The following CHURC1 variants were observed in gnomAD, a reference collection of about 807,000 sequenced individuals.
CHURC1 encodes churchill domain containing 1.
CHURC1 carries 12 observed loss-of-function variants against 15.4 expected under a neutral mutation model. The ratio of observed to expected loss-of-function variants is 0.78; its 90% CI spans 0.50 to 1.27. CHURC1 has a LOEUF of 1.27. Ranked by LOEUF, CHURC1 falls within the 50% of genes most tolerant of loss-of-function variation. CHURC1 has a pLI of 0.00. For missense variants in CHURC1, 132 were observed against 137.8 expected (o/e 0.96, Z 0.21); for synonymous variants, 42 against 47.5 (o/e 0.88, Z 0.48).
At position 64,935,133 on chromosome 14, in the gene CHURC1, A is replaced by G. The variant is rs533044387; in HGVS notation, c.*2903A>G. On this transcript the variant is annotated 3_prime_UTR_variant, in exon 4 of 4. Transcript: ENST00000549115. ...CTCACTCATAGATAGGAATTGAACA[A>G]TGAGAACACATGGAGACAGGAAGGG... The G allele has an allele frequency of 8.2e-5, 28 of 342,482 alleles. No individual in the cohort carries two copies. The South Asian group carries it at 2.9e-3, about 35-fold the overall frequency. 21.2% of individuals were successfully genotyped at this position (342,482 alleles called of 1,614,324 possible).
rs1256868588 is a variant in CHURC1 at position 64,930,022 on chromosome 14, TG to T, written c.247-2113del. On this transcript the variant is annotated intron_variant, in intron 3 of 3. Coordinates refer to ENST00000549115, the MANE Select transcript of CHURC1 (RefSeq NM_001386928.1). The stretch of plus-strand genomic sequence containing the variant: ...TATGAGACTGCTTTCTATTCCTCTG[TG>T]GGCCAGGGAAGGAGAAGACTTGGAG... Among the ~76,000 whole-genome samples the T allele has an allele frequency of 5.9e-5, 9 of 151,282 alleles. 1 individual carries two copies. The South Asian group carries it at 1.9e-3, about 32-fold the overall frequency.
rs975218357 is a variant in CHURC1, at chr14:64,934,378, A to C, written c.*2148A>C. On this transcript the variant is annotated 3_prime_UTR_variant, in exon 4 of 4. Transcript: ENST00000549115. Reference sequence around the variant, plus strand: ...CAAAAACAAAACAAAACAACAACAAAAAAAGAAGTTAAATAACTTGTTTAA... The same window carrying C: ...CAAAAACAAAACAAAACAACAACAACAAAAGAAGTTAAATAACTTGTTTAA... 6 of 955,476 alleles carry C rather than the reference A, an allele frequency of 6.3e-6. No homozygotes were observed. Among genetic ancestry groups the C allele is most frequent in the African/African-American group, 5.3e-5 (3 of 56,566 alleles). 59.2% of individuals were successfully genotyped at this position (955,476 alleles called of 1,614,324 possible).
intron 2 of CHURC1, among the ~76,000 whole-genome samples, chr14:64,924,672 A>G (rs992222490): frequency 2.0e-5 from 3 of 152,214 alleles, no homozygotes; most frequent in Admixed American, 6.5e-5. Flanking sequence ...CTGCTAAATA[A>G]TAAGCTGCCT....
In CHURC1 at chr14:64,934,826, A is replaced by G; in HGVS notation, c.*2596A>G. 1 of 985,262 alleles carries G rather than the reference A, an allele frequency of 1.0e-6. No homozygotes were observed. 61.0% of individuals were successfully genotyped at this position (985,262 alleles called of 1,614,324 possible). ...CCCTGCCAATGTCCTCATCTATTGCAGAATGTATAATTATCTATTTGTTTT... is the reference window on the plus strand; with the variant it reads ...CCCTGCCAATGTCCTCATCTATTGCGGAATGTATAATTATCTATTTGTTTT... On this transcript the variant is annotated 3_prime_UTR_variant, in exon 4 of 4. Transcript: ENST00000549115.
At chr14:64,920,040 C>T (rs951723284) in intron 1 of CHURC1, among the ~76,000 whole-genome samples, 1 of 151,722 alleles carries the variant, frequency 6.6e-6, no homozygotes, top group East Asian at 1.9e-4. Context: ...TAAGAAAAAC[C>T]GTATTTTCCA....
intron 1 of CHURC1, among the ~76,000 whole-genome samples, chr14:64,916,110 G>C (rs1240060221): frequency 6.6e-6 from 1 of 152,200 alleles, no homozygotes; most frequent in Non-Finnish European, 1.5e-5. Context: ...CTGAATTATA[G>C]CCGTGAAACC....
chr14:64,928,859 A>G (rs1011610321), intron 3 of CHURC1, among the ~76,000 whole-genome samples: 1 of 151,576 alleles, frequency 6.6e-6, no homozygotes, highest in Non-Finnish European at 1.5e-5. Context: ...TCGAAGTGAT[A>G]CTCCTCAGCT....
At chr14:64,932,004 C>A in intron 3 of CHURC1, 134 bp from the exon 4 acceptor site, 1 of 1,102,954 alleles carries the variant, frequency 9.1e-7, no homozygotes, top group African/African-American at 1.6e-5. Context: ...ATTGCTGATA[C>A]ATGTTGAAGA....
Position 64,934,505 on chromosome 14 carries a change from A to G in CHURC1, c.*2275A>G. 1.0e-6 allele frequency: 1 copy of G among 985,398 alleles called. No individual in the cohort carries two copies. Among genetic ancestry groups the G allele is most frequent in the Non-Finnish European group, 1.2e-6 (1 of 829,884 alleles). The allele number at this position is 985,398 out of a possible 1,614,324, so 61.0% of individuals were successfully genotyped here. ...TAGGAAGAGGTTAAGAATATCAGTGACAGTACTCTGAGGCATCTGGGCATG... is the reference window on the plus strand; with the variant it reads ...TAGGAAGAGGTTAAGAATATCAGTGGCAGTACTCTGAGGCATCTGGGCATG... On this transcript the variant is annotated 3_prime_UTR_variant, in exon 4 of 4. Transcript: ENST00000549115.
At chr14:64,919,195 C>T (rs1157395044) in intron 1 of CHURC1, among the ~76,000 whole-genome samples, 1 of 152,030 alleles carries the variant, frequency 6.6e-6, no homozygotes, top group Non-Finnish European at 1.5e-5. Flanking sequence ...ACTGAACAGG[C>T]ACAAAATTGT....
At chr14:64,924,879 G>A (rs1262069978) in intron 2 of CHURC1, among the ~76,000 whole-genome samples, 2 of 152,204 alleles carry the variant, frequency 1.3e-5, no homozygotes, top group African/African-American at 2.4e-5. Flanking sequence ...CTAAACACAT[G>A]AGGAATAAAT....
intron 1 of CHURC1, 66 bp from the exon 2 acceptor site, chr14:64,923,925 T>C: frequency 7.1e-7 from 1 of 1,414,334 alleles, no homozygotes; most frequent in Admixed American, 2.6e-5. Context: ...ATTTTAAGTC[T>C]GTTAATCATC....
At chr14:64,916,839 A>G (rs531885674) in intron 1 of CHURC1, among the ~76,000 whole-genome samples, 9 of 152,072 alleles carry the variant, frequency 5.9e-5, no homozygotes, top group Non-Finnish European at 1.3e-4. Flanking sequence ...CGGCCTCCCA[A>G]AGTGCTAGGA....
chr14:64,932,639 A>G lies in CHURC1; in HGVS notation c.*409A>G, dbSNP rs1566832927. 6.2e-6 allele frequency: 1 copy of G among 161,154 alleles called. No individual in the cohort carries two copies. The highest frequency in any genetic ancestry group is 6.7e-5 in the African/African-American group (1 of 14,908). 10.0% of individuals were successfully genotyped at this position (161,154 alleles called of 1,614,324 possible). On this transcript the variant is annotated 3_prime_UTR_variant, in exon 4 of 4. Transcript: ENST00000549115. ...TGCCACAGAAAAATGAAGTACTGAA[A>G]TTAAAAAAAAAAAATCATAGTGATT... is the stretch of plus-strand genomic sequence containing the variant.
chr14:64,923,201 G>A (rs1478253186), intron 1 of CHURC1, among the ~76,000 whole-genome samples: 8 of 144,776 alleles, frequency 5.5e-5, no homozygotes, highest in Non-Finnish European at 1.2e-4. Flanking sequence ...GGGAGGCTGA[G>A]GTGGGAAGAT....
intron 1 of CHURC1, among the ~76,000 whole-genome samples, chr14:64,918,576 C>T (rs1216007904): frequency 6.6e-6 from 1 of 152,148 alleles, no homozygotes; most frequent in Non-Finnish European, 1.5e-5. Context: ...ACGTGTAATC[C>T]TAACACTTTG....
At chr14:64,919,286 A>G (rs1884108982) in intron 1 of CHURC1, among the ~76,000 whole-genome samples, 2 of 152,254 alleles carry the variant, frequency 1.3e-5, no homozygotes. Flanking sequence ...TTAGTAATGC[A>G]ACAGGAATAC....
intron 1 of CHURC1, among the ~76,000 whole-genome samples, 190 bp downstream of exon 1, chr14:64,914,724 G>A (rs1361365043): frequency 6.6e-6 from 1 of 152,242 alleles, no homozygotes; most frequent in East Asian, 1.9e-4. Flanking sequence ...CCGCCCTGGC[G>A]GCTGACCTCA....
In CHURC1 at chr14:64,932,293, G is replaced by T; in HGVS notation, c.*63G>T. 3 of 1,571,684 alleles carry T rather than the reference G, an allele frequency of 1.9e-6. No homozygotes were observed. Among genetic ancestry groups the T allele is most frequent in the South Asian group, 1.2e-5 (1 of 85,436 alleles). On this transcript the variant is annotated 3_prime_UTR_variant, in exon 4 of 4. Transcript: ENST00000549115. ...GGTTTACAATACAGCAAGCCTGATG[G>T]TTTGTCTTATTTCATTCATACTGAA...
Sources: allele counts gnomAD v4.1 joint callset (sites outside exome capture counted in the v4.1 genomes callset), GRCh38; gene constraint gnomAD v4.1.1; transcripts MANE v1.5; gene names NCBI Gene and HGNC (gene_info 2026-07-23, HGNC 2026-07-21).